The following PDGFD variants were observed in gnomAD, a reference collection of about 807,000 sequenced individuals.
PDGFD encodes platelet derived growth factor D, also known as platelet-derived growth factor D.
In PDGFD, 30 loss-of-function variants were observed where a neutral mutation model predicts 44.7. The observed-to-expected ratio is 0.67, with a 90% CI of 0.50 to 0.91. The LOEUF (loss-of-function observed/expected upper bound fraction) is 0.91, where lower values mean the gene tolerates loss of function less well. Among genes scored for constraint, PDGFD ranks in the 40% least tolerant of loss-of-function variants. The pLI, the probability that PDGFD is intolerant of heterozygous loss-of-function variation, is 0.00. For missense variants in PDGFD, 445 were observed against 457.8 expected (o/e 0.97, Z 0.25); for synonymous variants, 173 against 168.4 (o/e 1.03, Z -0.21).
intron 1 of PDGFD, among the ~76,000 whole-genome samples, chr11:104,034,842 C>A (rs1467329957): frequency 6.6e-6 from 1 of 152,108 alleles, no homozygotes; most frequent in Non-Finnish European, 1.5e-5. Context: ...CAGGGTTTCA[C>A]CATGTTAGCC....
intron 1 of PDGFD, among the ~76,000 whole-genome samples, chr11:104,159,911 T>C (rs189684977): frequency 2.0e-5 from 3 of 152,334 alleles, no homozygotes; most frequent in East Asian, 1.9e-4. Flanking sequence ...ATATTATCCA[T>C]GGTGGCAAGT....
At chr11:104,156,000 A>G (rs1862301959) in intron 1 of PDGFD, among the ~76,000 whole-genome samples, 1 of 152,228 alleles carries the variant, frequency 6.6e-6, no homozygotes, top group Non-Finnish European at 1.5e-5. Flanking sequence ...TAGGGACTGC[A>G]GTTAATAACA....
intron 1 of PDGFD, among the ~76,000 whole-genome samples, chr11:104,099,674 ATAAAT>A (rs1861342138): frequency 6.9e-6 from 1 of 145,356 alleles, no homozygotes; most frequent in Non-Finnish European, 1.5e-5. Flanking sequence ...AATAATAATA[ATAAAT>A]CAAACCAAAA....
chr11:103,989,330 A>T (rs1325921425), intron 3 of PDGFD, among the ~76,000 whole-genome samples: 1 of 152,240 alleles, frequency 6.6e-6, no homozygotes, highest in African/African-American at 2.4e-5. Context: ...TGCAACAGCA[A>T]GAATCTGTTC....
intron 3 of PDGFD, among the ~76,000 whole-genome samples, chr11:103,983,798 G>A (rs570173519): frequency 2.6e-5 from 4 of 151,600 alleles, no homozygotes; most frequent in Admixed American, 6.6e-5. Flanking sequence ...ACATGTGGCC[G>A]ACAATCACAT....
chr11:103,957,830 GC>G (rs1322840856), intron 3 of PDGFD, among the ~76,000 whole-genome samples: 2 of 152,106 alleles, frequency 1.3e-5, no homozygotes, highest in Non-Finnish European at 2.9e-5. Flanking sequence ...ATACCAAGGG[GC>G]TGCACAGAAA....
chr11:104,100,498 G>T (rs1055341520), intron 1 of PDGFD, among the ~76,000 whole-genome samples: 6 of 152,140 alleles, frequency 3.9e-5, no homozygotes, highest in African/African-American at 1.2e-4. Context: ...AAAAAGTCCA[G>T]GACCAGATGG....
chr11:104,118,857 AAT>A (rs1861688387), intron 1 of PDGFD, among the ~76,000 whole-genome samples: 1 of 65,246 alleles, frequency 1.5e-5, no homozygotes, highest in Non-Finnish European at 2.8e-5. Context: ...TATATATTAT[AAT>A]ATATTATATA....
intron 1 of PDGFD, among the ~76,000 whole-genome samples, chr11:104,113,419 A>G (rs1483519): frequency 0.14 from 21,859 of 152,076 alleles, 1,860 homozygotes; most frequent in East Asian, 0.3. Flanking sequence ...ATAACTCAGA[A>G]TAGGAGGGTG....
chr11:104,039,301 C>T lies in PDGFD; in HGVS notation c.125-39046G>A, dbSNP rs1591134585. On this transcript the variant is annotated intron_variant, in intron 1 of 6. Transcript: ENST00000393158. ...ATTTTTTTTTTCCTGGGAGGGGTCA[C>T]TTTTCAAGCACTAAAACCTCATTAT... 3 of 158,474 alleles carry T rather than the reference C, an allele frequency of 1.9e-5. No homozygotes were observed. The South Asian group carries it at 6.2e-4, about 33-fold the overall frequency. 9.8% of individuals were successfully genotyped at this position (158,474 alleles called of 1,614,324 possible). A position where few individuals can be genotyped will look rare whatever the true frequency, so the allele number is the denominator to read the frequency against.
chr11:103,936,823 GTTT>G (rs1194529159), intron 5 of PDGFD, among the ~76,000 whole-genome samples: 3 of 139,050 alleles, frequency 2.2e-5, no homozygotes, highest in African/African-American at 9.9e-5. Flanking sequence ...TTGTTTGTTT[GTTT>G]TTTGTTTTTT....
At chr11:104,139,487 T>A (rs559922145) in intron 1 of PDGFD, among the ~76,000 whole-genome samples, 1 of 152,252 alleles carries the variant, frequency 6.6e-6, no homozygotes, top group South Asian at 2.1e-4. Flanking sequence ...CAAACTGAAC[T>A]AGAAATAGGC....
chr11:103,908,506 G>A lies in PDGFD; in HGVS notation c.*1188C>T, dbSNP rs966384936. 4.6e-5 allele frequency: 7 copies of A among 152,144 alleles called. No homozygotes were observed. The highest frequency in any genetic ancestry group is 2.0e-4 in the Admixed American group (3 of 15,282). 9.4% of individuals were successfully genotyped at this position (152,144 alleles called of 1,614,324 possible). ...AAATCAGAACAGTGAGCAAGTATACGATTAGAAATTTACATTAATAAAATG... is the reference window on the plus strand; with the variant it reads ...AAATCAGAACAGTGAGCAAGTATACAATTAGAAATTTACATTAATAAAATG... On this transcript the variant is annotated 3_prime_UTR_variant, in exon 7 of 7. Transcript: ENST00000393158.
intron 3 of PDGFD, among the ~76,000 whole-genome samples, chr11:103,985,350 C>G (rs1859347487): frequency 6.6e-6 from 1 of 150,902 alleles, no homozygotes; most frequent in African/African-American, 2.5e-5. Context: ...CAGGCGTGCA[C>G]CACCATGCCT....
At chr11:104,152,959 C>A (rs1175708279) in intron 1 of PDGFD, among the ~76,000 whole-genome samples, 1 of 152,090 alleles carries the variant, frequency 6.6e-6, no homozygotes, top group Non-Finnish European at 1.5e-5. Context: ...AATATATAGT[C>A]ATTTACTTCA....
intron 1 of PDGFD, among the ~76,000 whole-genome samples, chr11:104,103,021 A>G (rs1861416793): frequency 6.6e-6 from 1 of 152,158 alleles, no homozygotes; most frequent in Non-Finnish European, 1.5e-5. Context: ...AGGCACATGT[A>G]TACATATGTA....
At chr11:104,148,453 G>A (rs1478834075) in intron 1 of PDGFD, among the ~76,000 whole-genome samples, 1 of 151,854 alleles carries the variant, frequency 6.6e-6, no homozygotes, top group Non-Finnish European at 1.5e-5. Context: ...TCTGAAATAG[G>A]ATGTATTGTA....
chr11:104,113,345 G>C (rs189297824), intron 1 of PDGFD, among the ~76,000 whole-genome samples: 2 of 152,124 alleles, frequency 1.3e-5, no homozygotes, highest in East Asian at 1.9e-4. Flanking sequence ...ATGGGGGAGG[G>C]GAGGCAAACA....
chr11:104,129,675 G>A (rs887017039), intron 1 of PDGFD, among the ~76,000 whole-genome samples: 2 of 152,246 alleles, frequency 1.3e-5, no homozygotes, highest in Non-Finnish European at 2.9e-5. Context: ...TGTAATCAGT[G>A]TTTTGGAGGT....
Sources: gnomAD v4.1 joint callset for allele counts (sites outside exome capture counted in the v4.1 genomes callset) on GRCh38, gnomAD v4.1.1 for gene constraint, MANE v1.5 for transcripts, NCBI Gene and HGNC (gene_info 2026-07-23, HGNC 2026-07-21) for gene names.